PTPRD: variants seen among roughly 807,000 people sequenced by gnomAD.
PTPRD encodes the protein protein tyrosine phosphatase receptor type D.
Under a neutral mutation model 214.5 loss-of-function variants are expected in PTPRD, and 34 were observed. The ratio of observed to expected loss-of-function variants is 0.16; its 90% CI spans 0.12 to 0.21. PTPRD has a LOEUF of 0.21. Among genes scored for constraint, PTPRD ranks in the 10% least tolerant of loss-of-function variants. The pLI is 1.00. For synonymous variants in PTPRD, 1,128 were observed against 845.7 expected, an observed-to-expected ratio of 1.33 and a Z score of -5.79; for missense variants, 2,545 against 2,398.7, an observed-to-expected ratio of 1.06 and a Z score of -1.27.
chr9:9,849,729 G>C (rs1399814865), intron 5 of PTPRD, among the ~76,000 whole-genome samples: 4 of 152,126 alleles, frequency 2.6e-5, no homozygotes, highest in African/African-American at 9.7e-5. Context: ...GGAAATACTA[G>C]CTGTGTGCTA....
At chr9:8,336,824 C>T (rs28780482) in intron 43 of PTPRD, among the ~76,000 whole-genome samples, 8,717 of 152,002 alleles carry the variant, frequency 0.057, 832 homozygotes, top group African/African-American at 0.2. Context: ...AAGAAGACAC[C>T]GATGCGGCAG....
At chr9:9,785,343 G>T (rs2098914543) in intron 5 of PTPRD, among the ~76,000 whole-genome samples, 1 of 151,698 alleles carries the variant, frequency 6.6e-6, no homozygotes, top group South Asian at 2.1e-4. Context: ...AGCTATGAAG[G>T]GAAAAACACT....
At chr9:10,265,109 T>C (rs2093966649) in intron 3 of PTPRD, among the ~76,000 whole-genome samples, 1 of 152,154 alleles carries the variant, frequency 6.6e-6, no homozygotes, top group South Asian at 2.1e-4. Flanking sequence ...TATGTCTTTG[T>C]CAGCAGCACG....
intron 12 of PTPRD, among the ~76,000 whole-genome samples, chr9:8,684,297 C>A (rs1416296736): frequency 6.6e-6 from 1 of 152,164 alleles, no homozygotes; most frequent in African/African-American, 2.4e-5. Flanking sequence ...TTTTGTATAT[C>A]ATCACTTCTC....
Position 8,797,632 on chromosome 9 carries a change from G to C in PTPRD, c.-103-63686C>G, listed in dbSNP as rs981403126. Among the ~76,000 whole-genome samples the C allele has an allele frequency of 3.9e-5, 6 of 152,272 alleles. No individual in the cohort carries two copies. In the South Asian group the frequency reaches 1.0e-3, roughly 26 times the overall value. On this transcript the variant is annotated intron_variant, in intron 11 of 45. Coordinates refer to ENST00000381196, the MANE Select transcript of PTPRD (RefSeq NM_002839.4). ...AACTGTCTCAAACACTATCACATCT[G>C]TGAAGCTCTATCTCATCCACCAACT...
At chr9:9,945,865 C>A (rs1388942557) in intron 4 of PTPRD, among the ~76,000 whole-genome samples, 1 of 152,072 alleles carries the variant, frequency 6.6e-6, no homozygotes, top group African/African-American at 2.4e-5. Context: ...AAAGAGCACA[C>A]ACACAAATCT....
At position 9,847,922 on chromosome 9, in the gene PTPRD, A is replaced by C. The variant is rs150919593; in HGVS notation, c.-367-81071T>G. On this transcript the variant is annotated intron_variant, in intron 5 of 45. Coordinates refer to ENST00000381196, the MANE Select transcript of PTPRD (RefSeq NM_002839.4). Reference sequence around the variant, plus strand: ...TTAAAAAAGGCAGATCCACGTGATGAAGCTACATCCTGCTAGAACAGCCCC... The same window carrying C: ...TTAAAAAAGGCAGATCCACGTGATGCAGCTACATCCTGCTAGAACAGCCCC... Among the ~76,000 whole-genome samples the C allele has an allele frequency of 5.4e-3, 819 of 152,270 alleles. 2 individuals carry two copies. Among genetic ancestry groups the C allele is most frequent in the Non-Finnish European group, 9.3e-3 (635 of 68,020 alleles).
chr9:9,743,771 A>ACACACACACACACAC lies in PTPRD; in HGVS notation c.-325-9201_-325-9200insGTGTGTGTGTGTGTG, dbSNP rs1218520561. 1.2e-3 allele frequency among the ~76,000 whole-genome samples: 137 copies of ACACACACACACACAC among 118,750 alleles called. 3 individuals are homozygous for ACACACACACACACAC. The highest frequency in any genetic ancestry group is 4.1e-3 in the Middle Eastern group (1 of 244). The allele number at this position is 118,750 out of a possible 152,430, so 77.9% of individuals were successfully genotyped here. On this transcript the variant is annotated intron_variant, in intron 6 of 45. Coordinates refer to ENST00000381196, the MANE Select transcript of PTPRD (RefSeq NM_002839.4). ...ACACACACACACACACACACACACA[A>ACACACACACACACAC]TTTATACTGACTGTATAAATTTCCC...
chr9:9,602,812 C>T (rs548226011), intron 7 of PTPRD, among the ~76,000 whole-genome samples: 2 of 152,020 alleles, frequency 1.3e-5, no homozygotes, highest in African/African-American at 2.4e-5. Flanking sequence ...ATGAGGCCTA[C>T]GATGCCAGTC....
At chr9:8,437,288 C>A (rs183488291) in intron 34 of PTPRD, 170 of 1,296,528 alleles carry the variant, frequency 1.3e-4, no homozygotes, top group East Asian at 6.9e-4. Context: ...ACAAATTCTT[C>A]AAAAAAAAAT....
chr9:10,541,921 G>A (rs2135313559), intron 2 of PTPRD, among the ~76,000 whole-genome samples: 1 of 152,032 alleles, frequency 6.6e-6, no homozygotes. Context: ...TTTTCCCCTG[G>A]CAGATAAAAC....
intron 3 of PTPRD, among the ~76,000 whole-genome samples, chr9:10,098,348 T>C (rs1440015836): frequency 9.9e-6 from 1 of 100,552 alleles, no homozygotes; most frequent in Non-Finnish European, 2.0e-5. Context: ...GGTTGTGGGG[T>C]TGGGGGAGGG....
At chr9:9,945,323 T>C (rs2092393908) in intron 4 of PTPRD, among the ~76,000 whole-genome samples, 1 of 152,042 alleles carries the variant, frequency 6.6e-6, no homozygotes, top group Non-Finnish European at 1.5e-5. Flanking sequence ...GGTGGTATTA[T>C]AAACATAGAG....
At chr9:9,493,605 G>A (rs777593347) in intron 8 of PTPRD, among the ~76,000 whole-genome samples, 3 of 151,788 alleles carry the variant, frequency 2.0e-5, no homozygotes, top group Admixed American at 6.6e-5. Context: ...TGGCTAACAC[G>A]GTGAAACCCT....
At chr9:10,311,266 C>A (rs1474412102) in intron 3 of PTPRD, among the ~76,000 whole-genome samples, 1 of 151,768 alleles carries the variant, frequency 6.6e-6, no homozygotes, top group African/African-American at 2.4e-5. Flanking sequence ...CTTCACAATG[C>A]CTTTTTCTAA....
intron 8 of PTPRD, among the ~76,000 whole-genome samples, chr9:9,501,048 A>C (rs2096397997): frequency 1.3e-5 from 2 of 152,020 alleles, no homozygotes; most frequent in African/African-American, 4.8e-5. Context: ...TTACTAAAAG[A>C]TATTCAATTA....
At chr9:9,441,044 C>G (rs1310337121) in intron 8 of PTPRD, among the ~76,000 whole-genome samples, 2 of 152,160 alleles carry the variant, frequency 1.3e-5, no homozygotes, top group African/African-American at 4.8e-5. Flanking sequence ...CCTCATTGGG[C>G]CAAAATGGCT....
chr9:9,190,666 C>T (rs1042249401), intron 9 of PTPRD, among the ~76,000 whole-genome samples: 4 of 152,070 alleles, frequency 2.6e-5, no homozygotes, highest in Non-Finnish European at 5.9e-5. Context: ...AACATCCTAG[C>T]CCTGAGAACT....
intron 3 of PTPRD, among the ~76,000 whole-genome samples, chr9:10,208,436 C>G (rs1000885539): frequency 2.6e-5 from 4 of 152,192 alleles, no homozygotes; most frequent in African/African-American, 9.6e-5. Context: ...AGGGCGTGAA[C>G]CCGGGAGGCG....
Sources: allele counts gnomAD v4.1 joint callset (sites outside exome capture counted in the v4.1 genomes callset), GRCh38; gene constraint gnomAD v4.1.1; transcripts MANE v1.5; gene names NCBI Gene and HGNC (gene_info 2026-07-23, HGNC 2026-07-21).